TTLL11: variants seen among roughly 807,000 people sequenced by gnomAD.
TTLL11 encodes the protein tubulin tyrosine ligase like 11, also known as tubulin polyglutamylase TTLL11.
A neutral mutation model predicts 51.7 loss-of-function variants in TTLL11; 42 were observed. The observed-to-expected ratio is 0.81, with a 90% CI of 0.64 to 1.05. The LOEUF (loss-of-function observed/expected upper bound fraction) is 1.05, where lower values mean the gene tolerates loss of function less well. Ranked by LOEUF, TTLL11 falls within the 50% of genes least tolerant of loss-of-function variation. The probability of loss-of-function intolerance (pLI) is 0.00; values close to 1 mark genes in which losing one functional copy is unlikely to be tolerated. For missense variants in TTLL11, 799 were observed against 940.4 expected (o/e 0.85, Z 1.97); for synonymous variants, 381 against 383.5 (o/e 0.99, Z 0.08).
chr9:122,050,480 A>G (rs541197984), intron 1 of TTLL11, among the ~76,000 whole-genome samples: 3 of 152,262 alleles, frequency 2.0e-5, no homozygotes, highest in East Asian at 3.9e-4. Flanking sequence ...TAATGTTTAC[A>G]TGACGGCCTC....
chr9:122,019,896 T>TTTA (rs1472585291), intron 3 of TTLL11, among the ~76,000 whole-genome samples: 1 of 152,330 alleles, frequency 6.6e-6, no homozygotes, highest in East Asian at 1.9e-4. Flanking sequence ...ATCTGACTGT[T>TTTA]TTATAAGGGG....
At chr9:122,078,273 G>GA (rs1171347232) in intron 1 of TTLL11, among the ~76,000 whole-genome samples, 10 of 152,232 alleles carry the variant, frequency 6.6e-5, no homozygotes, top group Admixed American at 6.5e-4. Flanking sequence ...TTGCTTCTTT[G>GA]AAAAAACTAA....
chr9:121,896,464 C>T (rs1014276249), intron 6 of TTLL11, among the ~76,000 whole-genome samples: 6 of 152,224 alleles, frequency 3.9e-5, no homozygotes, highest in African/African-American at 1.4e-4. Flanking sequence ...GTCTTGGTGC[C>T]CAACCTCTTC....
At chr9:121,847,944 T>G (rs577306009) in intron 8 of TTLL11, among the ~76,000 whole-genome samples, 2 of 152,310 alleles carry the variant, frequency 1.3e-5, no homozygotes, top group East Asian at 1.9e-4. Flanking sequence ...GGCACCAATA[T>G]AATTCCAACA....
At chr9:121,892,071 C>G (rs1839261850) in intron 6 of TTLL11, among the ~76,000 whole-genome samples, 1 of 145,644 alleles carries the variant, frequency 6.9e-6, no homozygotes, top group South Asian at 2.1e-4. Context: ...AATATATAAA[C>G]TATATATGTA....
chr9:122,010,224 A>C (rs976014376), intron 3 of TTLL11, among the ~76,000 whole-genome samples: 5 of 152,178 alleles, frequency 3.3e-5, no homozygotes, highest in African/African-American at 1.2e-4. Context: ...ACTGACACAC[A>C]ATGAAAGTTG....
chr9:121,866,688 G>GA (rs1330038202), intron 7 of TTLL11, among the ~76,000 whole-genome samples: 1 of 150,690 alleles, frequency 6.6e-6, no homozygotes, highest in Non-Finnish European at 1.5e-5. Context: ...GAAAAGAAAA[G>GA]AAAAAGAAAA....
chr9:121,927,176 C>T (rs1564309108), intron 6 of TTLL11, among the ~76,000 whole-genome samples: 1 of 152,234 alleles, frequency 6.6e-6, no homozygotes, highest in Non-Finnish European at 1.5e-5. Context: ...CTTCATGTCT[C>T]TATGCTTCTC....
intron 6 of TTLL11, among the ~76,000 whole-genome samples, chr9:121,936,615 A>G (rs1167093128): frequency 1.3e-5 from 2 of 152,178 alleles, no homozygotes; most frequent in African/African-American, 2.4e-5. Flanking sequence ...GTCCTTATAC[A>G]GGTATAACTG....
chr9:121,895,583 GTGAC>G (rs1839447203), intron 6 of TTLL11, among the ~76,000 whole-genome samples: 1 of 151,100 alleles, frequency 6.6e-6, no homozygotes, highest in African/African-American at 2.4e-5. Context: ...GTGTGTTTGT[GTGAC>G]TGTGTGTGGT....
chr9:121,932,822 T>C (rs1460953948), intron 6 of TTLL11, among the ~76,000 whole-genome samples: 1 of 152,098 alleles, frequency 6.6e-6, no homozygotes. Context: ...ATGGCAAGTA[T>C]GGCAGATGCG....
intron 6 of TTLL11, among the ~76,000 whole-genome samples, chr9:121,898,278 G>A (rs1163858849): frequency 6.6e-6 from 1 of 152,218 alleles, no homozygotes; most frequent in Non-Finnish European, 1.5e-5. Context: ...AAGCTGGGAC[G>A]CTAGAAAGGG....
intron 1 of TTLL11, chr9:122,040,361 G>C (rs1340532713): frequency 3.0e-6 from 3 of 985,042 alleles, no homozygotes; most frequent in Non-Finnish European, 3.6e-6. Context: ...TTTGAAGCCA[G>C]AAAATTTCTC....
At chr9:122,056,639 C>T (rs559632169) in intron 1 of TTLL11, among the ~76,000 whole-genome samples, 1 of 152,242 alleles carries the variant, frequency 6.6e-6, no homozygotes, top group Admixed American at 6.5e-5. Context: ...GTACTGAGTT[C>T]CTAGGCCCAT....
chr9:121,883,748 T>C (rs1838888165), intron 6 of TTLL11, among the ~76,000 whole-genome samples: 1 of 152,162 alleles, frequency 6.6e-6, no homozygotes, highest in African/African-American at 2.4e-5. Context: ...AAGTACTAAA[T>C]GTTTAGTTAT....
At chr9:121,923,697 G>A (rs1840619830) in intron 6 of TTLL11, among the ~76,000 whole-genome samples, 1 of 152,186 alleles carries the variant, frequency 6.6e-6, no homozygotes, top group Non-Finnish European at 1.5e-5. Context: ...AAGTTATGAA[G>A]TTTCCAGCCT....
intron 2 of TTLL11, among the ~76,000 whole-genome samples, chr9:122,034,457 C>T (rs1308829744): frequency 6.6e-6 from 1 of 152,250 alleles, no homozygotes; most frequent in Non-Finnish European, 1.5e-5. Flanking sequence ...AAGCCAGGCA[C>T]TTCCTGCCTG....
At chr9:122,032,362 A>G (rs527922870) in intron 2 of TTLL11, among the ~76,000 whole-genome samples, 69 of 152,288 alleles carry the variant, frequency 4.5e-4, no homozygotes, top group Non-Finnish European at 9.0e-4. Context: ...GAAAACACAC[A>G]TCTTTCAGCA....
Position 122,030,208 on chromosome 9 carries a change from G to C in TTLL11, c.693+1515C>G, listed in dbSNP as rs202065960. 1.4e-4 allele frequency among the ~76,000 whole-genome samples: 21 copies of C among 145,046 alleles called. 1 individual carries two copies. The highest frequency in any genetic ancestry group is 6.5e-4 in the East Asian group (3 of 4,620). On this transcript the variant is annotated intron_variant, in intron 3 of 8. Coordinates refer to ENST00000321582, the MANE Select transcript of TTLL11 (RefSeq NM_001139442.2). ...AGCCACAGAAGAGAGACATTGGGGG[G>C]GGGGGGGTAATTATGAGGAACAGCT...
Sources: gnomAD v4.1 joint callset for allele counts (sites outside exome capture counted in the v4.1 genomes callset) on GRCh38, gnomAD v4.1.1 for gene constraint, MANE v1.5 for transcripts, NCBI Gene and HGNC (gene_info 2026-07-23, HGNC 2026-07-21) for gene names.